The following ITGA8 variants were observed in gnomAD, a reference collection of about 807,000 sequenced individuals.
The protein encoded by ITGA8 is integrin subunit alpha 8, also known as integrin alpha-8.
Under a neutral mutation model 142.3 loss-of-function variants are expected in ITGA8, and 91 were observed. The observed-to-expected ratio is 0.64, with a 90% CI of 0.54 to 0.76. The LOEUF is 0.76. ITGA8 is among the 30% of genes least tolerant of loss of function. The probability of loss-of-function intolerance (pLI) is 0.00; values close to 1 mark genes in which losing one functional copy is unlikely to be tolerated. For missense variants in ITGA8, 1,406 were observed against 1,327.7 expected (o/e 1.06, Z -0.92); for synonymous variants, 505 against 485.2 (o/e 1.04, Z -0.54).
intron 22 of ITGA8, among the ~76,000 whole-genome samples, chr10:15,589,080 C>T (rs75963714): frequency 7.3e-4 from 111 of 152,322 alleles, no homozygotes; most frequent in Middle Eastern, 3.4e-3. Context: ...CATCCATCAC[C>T]GCCATGGAAG....
intron 20 of ITGA8, among the ~76,000 whole-genome samples, chr10:15,599,584 A>G (rs571973256): frequency 6.6e-6 from 1 of 152,188 alleles, no homozygotes; most frequent in South Asian, 2.1e-4. Flanking sequence ...ATCCTGGAGG[A>G]AGTGGCATCT....
At chr10:15,697,801 C>A (rs1293666040) in intron 2 of ITGA8, among the ~76,000 whole-genome samples, 1 of 152,226 alleles carries the variant, frequency 6.6e-6, no homozygotes, top group Admixed American at 6.5e-5. Flanking sequence ...AGGCTGTGCA[C>A]ACACAGATGG....
At chr10:15,713,168 G>C (rs1835391576) in intron 2 of ITGA8, among the ~76,000 whole-genome samples, 1 of 152,132 alleles carries the variant, frequency 6.6e-6, no homozygotes, top group South Asian at 2.1e-4. Context: ...AGAAATTTAG[G>C]GATGATGGTT....
At chr10:15,614,841 A>G (rs1833364249) in intron 14 of ITGA8, among the ~76,000 whole-genome samples, 1 of 152,110 alleles carries the variant, frequency 6.6e-6, no homozygotes, top group African/African-American at 2.4e-5. Flanking sequence ...TGCTTTCAAT[A>G]CCGTGTTAGT....
chr10:15,535,266 G>A (rs11259729), intron 27 of ITGA8, among the ~76,000 whole-genome samples: 2,977 of 152,130 alleles, frequency 0.02, 89 homozygotes, highest in African/African-American at 0.068. Flanking sequence ...GACGCGCACC[G>A]CCCCCTGCTC....
intron 26 of ITGA8, among the ~76,000 whole-genome samples, chr10:15,551,647 G>T (rs921382949): frequency 6.6e-6 from 1 of 152,052 alleles, no homozygotes; most frequent in African/African-American, 2.4e-5. Flanking sequence ...TGTGCAAATT[G>T]GAAATTTTGA....
At chr10:15,553,876 C>T (rs943789557) in intron 26 of ITGA8, among the ~76,000 whole-genome samples, 67 of 151,940 alleles carry the variant, frequency 4.4e-4, no homozygotes, top group African/African-American at 1.5e-3. Flanking sequence ...ACCTGTAATC[C>T]CAGCTACTCA....
At chr10:15,590,406 T>A (rs1161813227) in intron 22 of ITGA8, among the ~76,000 whole-genome samples, 1 of 152,230 alleles carries the variant, frequency 6.6e-6, no homozygotes, top group Non-Finnish European at 1.5e-5. Flanking sequence ...CCATTCTCTT[T>A]TGTAACTTCA....
chr10:15,644,429 G>A lies in ITGA8; in HGVS notation c.1208-208C>T, dbSNP rs1451362335. Among the ~76,000 whole-genome samples the A allele has an allele frequency of 4.0e-5, 4 of 98,868 alleles. No individual in the cohort carries two copies. In the South Asian group the frequency reaches 1.4e-3, roughly 34 times the overall value. 64.9% of individuals were successfully genotyped at this position (98,868 alleles called of 152,430 possible). On this transcript the variant is annotated intron_variant, in intron 12 of 29. Transcript: ENST00000378076. ...ACTACAGGTGCATACCACCATGTCA[G>A]GCTAATATATATATATATATATATA...
At chr10:15,624,684 A>G (rs1429436876) in intron 13 of ITGA8, among the ~76,000 whole-genome samples, 1 of 152,184 alleles carries the variant, frequency 6.6e-6, no homozygotes, top group Non-Finnish European at 1.5e-5. Flanking sequence ...CCCAGGTCCC[A>G]TCCTGCCAAT....
At chr10:15,634,491 C>T (rs1833737267) in intron 13 of ITGA8, among the ~76,000 whole-genome samples, 1 of 152,030 alleles carries the variant, frequency 6.6e-6, no homozygotes. Context: ...GGTAAGGTTA[C>T]ACATCCAGCC....
At chr10:15,664,836 G>T (rs1834357224) in intron 8 of ITGA8, among the ~76,000 whole-genome samples, 2 of 152,086 alleles carry the variant, frequency 1.3e-5, no homozygotes, top group African/African-American at 2.4e-5. Context: ...TCCCTACAAA[G>T]GACATGAACT....
chr10:15,538,953 GTTTTTTTTTTT>G lies in ITGA8; in HGVS notation c.2881-7813_2881-7803del, dbSNP rs367805176. ...AACCACCTGACATTTTCAGGTAAAG[GTTTTTTTTTTT>G]TTTTTTTTTTTTTTTAACGTTTCCT... On this transcript the variant is annotated intron_variant, in intron 27 of 29. Transcript: ENST00000378076. Among the ~76,000 whole-genome samples, 80 of 132,196 alleles carry G rather than the reference GTTTTTTTTTTT, an allele frequency of 6.1e-4. 1 individual carries two copies. The highest frequency in any genetic ancestry group is 1.6e-3 in the African/African-American group (59 of 36,632). 86.7% of individuals were successfully genotyped at this position (132,196 alleles called of 152,430 possible). A position where few individuals can be genotyped will look rare whatever the true frequency, so the allele number is the denominator to read the frequency against.
At chr10:15,542,979 G>A (rs995312312) in intron 27 of ITGA8, among the ~76,000 whole-genome samples, 3 of 152,070 alleles carry the variant, frequency 2.0e-5, no homozygotes, top group Admixed American at 1.3e-4. Context: ...AGTCTGTCTC[G>A]GTCAACCAAA....
rs59435924 is a variant in ITGA8 at position 15,586,049 on chromosome 10, A to ATTTTTTTTTTT, written c.2372+524_2372+534dup. 2.2e-4 allele frequency among the ~76,000 whole-genome samples: 17 copies of ATTTTTTTTTTT among 76,810 alleles called. 2 individuals are homozygous for ATTTTTTTTTTT. The highest frequency in any genetic ancestry group is 9.0e-4 in the African/African-American group (17 of 18,974). 50.4% of individuals were successfully genotyped at this position (76,810 alleles called of 152,430 possible). On this transcript the variant is annotated intron_variant, in intron 23 of 29. Transcript: ENST00000378076. ...CACTGTCAATTTGGGGAATAAAGTG[A>ATTTTTTTTTTT]TTTTTTTTTTTTTTTTTTTTTTTTT...
In ITGA8 at chr10:15,655,161, C is replaced by G. The variant is rs565295371; in HGVS notation, c.1001+193G>C. On this transcript the variant is annotated intron_variant, in intron 11 of 29. Transcript: ENST00000378076. ...TAGAAGCAGCAGATGTGGAAAATCT[C>G]CTTAAGGACAAAATCAGATGACAGA... Among the ~76,000 whole-genome samples the G allele has an allele frequency of 6.4e-4, 98 of 152,202 alleles. 3 individuals are homozygous for G. The highest frequency in any genetic ancestry group is 1.9e-3 in the South Asian group (9 of 4,818).
intron 26 of ITGA8, among the ~76,000 whole-genome samples, chr10:15,556,115 C>G (rs185069204): frequency 2.0e-5 from 3 of 148,304 alleles, no homozygotes; most frequent in African/African-American, 7.4e-5. Flanking sequence ...CAACCTCCAC[C>G]TCCCTAGTTC....
chr10:15,701,630 G>A lies in ITGA8; in HGVS notation c.344-13592C>T, dbSNP rs531558556. Among the ~76,000 whole-genome samples, 17 of 152,258 alleles carry A rather than the reference G, an allele frequency of 1.1e-4. 2 individuals are homozygous for A. The South Asian group carries it at 1.7e-3, about 15-fold the overall frequency. ...GAATTACACGAAGTGAGGAGAGATC[G>A]CCCTGGGACAGAAGAGAAGAGTTGT... On this transcript the variant is annotated intron_variant, in intron 2 of 29. Coordinates refer to ENST00000378076, the MANE Select transcript of ITGA8 (RefSeq NM_003638.3).
At chr10:15,653,123 G>A (rs1834119232) in intron 11 of ITGA8, among the ~76,000 whole-genome samples, 1 of 152,134 alleles carries the variant, frequency 6.6e-6, no homozygotes, top group African/African-American at 2.4e-5. Context: ...AATATGCCTG[G>A]AGCTCCCACC....
Sources: gnomAD v4.1 joint callset for allele counts (sites outside exome capture counted in the v4.1 genomes callset) on GRCh38, gnomAD v4.1.1 for gene constraint, MANE v1.5 for transcripts, NCBI Gene and HGNC (gene_info 2026-07-23, HGNC 2026-07-21) for gene names.